Variants in FLNA observed in about 807,000 individuals in gnomAD.
The protein encoded by FLNA is filamin-A.
In FLNA, 7 loss-of-function variants were observed where a neutral mutation model predicts 157.6. That is an observed-to-expected ratio of 0.04 (90% CI 0.03 to 0.08). The LOEUF (loss-of-function observed/expected upper bound fraction) is 0.08, where lower values mean the gene tolerates loss of function less well. Ranked by LOEUF, FLNA falls within the 10% of genes least tolerant of loss-of-function variation. The probability of loss-of-function intolerance (pLI) is 1.00; values close to 1 mark genes in which losing one functional copy is unlikely to be tolerated. For synonymous variants in FLNA, 1,103 were observed against 1,060.8 expected (o/e 1.04, Z -0.77); for missense variants, 1,750 against 2,398.4 (o/e 0.73, Z 5.65).
chrX:154,363,692 G>A (rs1389432133), intron 15 of FLNA, among the ~76,000 whole-genome samples: 2 of 111,974 alleles, frequency 1.8e-5, no homozygotes, highest in African/African-American at 6.5e-5. Context: ...CAGCCTGGGC[G>A]ACAGTGTGAG....
rs1557176471 is a variant in FLNA at position 154,354,487 on chromosome X, C to T, written c.5314-4G>A. ...CCACCAGGGGCCTCTCCGGGGCCTG[C>T]AGTGGAGACACAGGGCATGGGTGAG... On this transcript the variant is annotated splice_region_variant and splice_polypyrimidine_tract_variant and intron_variant, in intron 32 of 47. Coordinates refer to ENST00000369850, the MANE Select transcript of FLNA (RefSeq NM_001110556.2). The T allele has an allele frequency of 3.3e-6, 4 of 1,204,971 alleles. No individual in the cohort carries two copies. The highest frequency in any genetic ancestry group is 4.5e-6 in the Non-Finnish European group (4 of 890,264).
At chrX:154,370,504 G>T (rs1039858259) in intron 2 of FLNA, among the ~76,000 whole-genome samples, 13 of 112,784 alleles carry the variant, frequency 1.2e-4, no homozygotes, top group Non-Finnish European at 1.9e-5. Flanking sequence ...TGGGGGGAGA[G>T]CCCGGGCCTC....
At chrX:154,353,888 C>A (rs782754030) in intron 35 of FLNA, 27 bp downstream of exon 35, 1 of 1,210,170 alleles carries the variant, frequency 8.3e-7, no homozygotes, top group East Asian at 3.0e-5. Context: ...GGGCACAGAG[C>A]AGGTCAAGAC....
rs781861063 is a variant in FLNA at position 154,366,208 on chromosome X, C to T, written c.1245G>A (p.Glu415=). The change falls in exon 9 of 48, where the codon GAG becomes GAA. Residue 415 remains glutamate, a synonymous_variant. Transcript: ENST00000369850. ...EIFTAGAGTG[E]VEVVIQDPMG... ...TGGGGTCCTGGATCACAACCTCGAC[C>T]TCGCCCGTGCCAGCTCCTGCCACGA... 1 of 1,210,983 alleles carries T rather than the reference C, an allele frequency of 8.3e-7. No homozygotes were observed. The highest frequency in any genetic ancestry group is 1.1e-6 in the Non-Finnish European group (1 of 895,496).
At chrX:154,366,702 G>A (rs1057371422) in intron 6 of FLNA, 30 bp downstream of exon 6, 24 of 1,196,214 alleles carry the variant, frequency 2.0e-5, no homozygotes, top group South Asian at 3.5e-5. Context: ...GGAGCGCTGC[G>A]GGGCCTCTGC....
Position 154,353,169 on chromosome X carries a change from G to A in FLNA, c.6058C>T (p.Leu2020=). ...TGGCCATTTTTCTTCACATGCACCA[G>A]GTGCTCCCCCGTCTCCTTGGGCACG... ...SFVPKETGEH[L]VHVKKNGQHV... is the part of the protein sequence containing the mutation. Residue 2020 remains leucine, a synonymous_variant, in exon 38 of 48, where the codon CTG becomes TTG. Transcript: ENST00000369850. The A allele has an allele frequency of 2.5e-6, 3 of 1,211,698 alleles. No individual in the cohort carries two copies. Among genetic ancestry groups the A allele is most frequent in the Non-Finnish European group, 3.3e-6 (3 of 895,528 alleles).
Position 154,361,375 on chromosome X carries a change from T to C in FLNA, c.3140A>G (p.Tyr1047Cys). The change falls in exon 21 of 48, where the codon TAT becomes TGT. Residue 1047 changes from tyrosine to cysteine, a missense_variant. By Grantham distance (194) the Tyr-to-Cys change is radical. Around this residue, in one of 5 missense-constraint regions of FLNA, gnomAD observed 648 missense variants for 805.8 expected, o/e 0.80. Transcript: ENST00000369850. ...EEGPYEVEVT[Y>C]DGVPVPGSPF... Reference sequence around the variant, plus strand: ...GCTGCCAGGCACGGGCACGCCGTCATAGGTCACCTCCACCTCATAGGGCCC... The same window carrying C: ...GCTGCCAGGCACGGGCACGCCGTCACAGGTCACCTCCACCTCATAGGGCCC... The C allele has an allele frequency of 1.7e-6, 2 of 1,210,211 alleles. No individual in the cohort carries two copies. The highest frequency in any genetic ancestry group is 2.2e-6 in the Non-Finnish European group (2 of 895,143).
At position 154,363,335 on chromosome X, in the gene FLNA, T is replaced by C. The variant is rs1238576883; in HGVS notation, c.2281-551A>G. 4.5e-5 allele frequency among the ~76,000 whole-genome samples: 5 copies of C among 110,098 alleles called. No individual in the cohort carries two copies. In the Admixed American group the frequency reaches 4.8e-4, roughly 11 times the overall value. On this transcript the variant is annotated intron_variant, in intron 15 of 47. Transcript: ENST00000369850. ...GGAGGCTGAGGCAGGAGAGAATTGCTTGAATCTGGCAGGCAGAGGTTGCAG... is the reference window on the plus strand; with the variant it reads ...GGAGGCTGAGGCAGGAGAGAATTGCCTGAATCTGGCAGGCAGAGGTTGCAG...
chrX:154,368,439 G>A (rs2067779806), intron 2 of FLNA, among the ~76,000 whole-genome samples: 1 of 112,489 alleles, frequency 8.9e-6, no homozygotes, highest in Admixed American at 9.3e-5. Context: ...GTCCACAGCT[G>A]CCAGAGCAGG....
intron 2 of FLNA, among the ~76,000 whole-genome samples, chrX:154,368,381 G>A (rs2067779270): frequency 8.9e-6 from 1 of 112,172 alleles, no homozygotes; most frequent in Non-Finnish European, 1.9e-5. Flanking sequence ...AAGGGCAGAG[G>A]GCAGACCCAG....
rs782292169 is a variant in FLNA at position 154,360,570 on chromosome X, C to T, written c.3225G>A (p.Pro1075=). The T allele has an allele frequency of 3.5e-5, 42 of 1,204,950 alleles. No homozygotes were observed. Among genetic ancestry groups the T allele is most frequent in the Non-Finnish European group, 4.4e-5 (39 of 894,253 alleles). ...AGCCCGCACTGCCTCCCTGCAGCCCCGGCCCAAACGCCTTCACCTGAGGGA... is the reference window on the plus strand; with the variant it reads ...AGCCCGCACTGCCTCCCTGCAGCCCTGGCCCAAACGCCTTCACCTGAGGGA... The part of the protein sequence containing the change: ...TKPSKVKAFG[P]GLQGGSAGSP... Residue 1075 remains proline (P), a synonymous_variant, in exon 22 of 48, where the codon CCG becomes CCA. Transcript: ENST00000369850.
intron 28 of FLNA, 81 bp downstream of exon 28, chrX:154,358,118 G>A (rs1296309367): frequency 9.4e-7 from 1 of 1,064,107 alleles, no homozygotes; most frequent in African/African-American, 1.8e-5. Context: ...GCTCCGCAGG[G>A]AGATCAGACA....
At chrX:154,355,165 A>C in intron 30 of FLNA, 93 bp from the exon 31 acceptor site, 27 of 979,716 alleles carry the variant, frequency 2.8e-5, no homozygotes, top group Non-Finnish European at 3.1e-5. Flanking sequence ...CAGGCCTCTC[A>C]TTGCCACCAC....
intron 43 of FLNA, chrX:154,351,289 C>T (rs1354926735): frequency 2.3e-6 from 1 of 441,658 alleles, no homozygotes; most frequent in Non-Finnish European, 3.9e-6. Flanking sequence ...ACCCTGTGGG[C>T]AGCACCCAGC....
In FLNA at chrX:154,359,687, C is replaced by G. The variant is rs371272370; in HGVS notation, c.3980-41G>C. 2.8e-5 allele frequency: 34 copies of G among 1,208,996 alleles called. No homozygotes were observed. In the African/African-American group the frequency reaches 5.4e-4, roughly 19 times the overall value. On this transcript the variant is annotated intron_variant, in intron 23 of 47. Coordinates refer to ENST00000369850, the MANE Select transcript of FLNA (RefSeq NM_001110556.2). ...CCAGGTCAGGAGGAGCCCGGGCCAC[C>G]CCACCCACCCCGTCTGCCAGCCTGT...
chrX:154,352,194 T>C lies in FLNA; in HGVS notation c.6756A>G (p.Glu2252=). The change falls in exon 41 of 48, where the codon GAA becomes GAG. Residue 2252 remains glutamate (E), a synonymous_variant. Transcript: ENST00000369850. The part of the protein sequence containing the change: ...RAGGPGLERA[E]AGVPAEFSIW... ...GAGCAGGCCTACCTGGCACTCCAGC[T>C]TCAGCTCTCTCCAGGCCAGGGCCCC... 1.7e-6 allele frequency: 2 copies of C among 1,210,581 alleles called. No homozygotes were observed. Among genetic ancestry groups the C allele is most frequent in the African/African-American group, 3.5e-5 (2 of 57,929 alleles).
Position 154,359,296 on chromosome X carries a change from T to A in FLNA, c.4253A>T (p.Glu1418Val). ...GSCSVEYIPY[E>V]AGTYSLNVTY... Reference sequence around the variant, plus strand: ...GACGTTGAGGCTGTAGGTGCCAGCCTCATAAGGGATGTACTCGACCGAGCA... The same window carrying A: ...GACGTTGAGGCTGTAGGTGCCAGCCACATAAGGGATGTACTCGACCGAGCA... Residue 1418 changes from glutamate to valine, a missense_variant, in exon 25 of 48, where the codon GAG becomes GTG. By Grantham distance (121) the Glu-to-Val change is moderately radical. Around this residue, in one of 5 missense-constraint regions of FLNA, gnomAD observed 970 missense variants for 1,302.6 expected, o/e 0.74. Coordinates refer to ENST00000369850, the MANE Select transcript of FLNA (RefSeq NM_001110556.2). The A allele has an allele frequency of 8.3e-7, 1 of 1,211,193 alleles. No individual in the cohort carries two copies. Among genetic ancestry groups the A allele is most frequent in the Non-Finnish European group, 1.1e-6 (1 of 895,490 alleles).
At chrX:154,362,606 A>T in intron 16 of FLNA, 28 bp from the exon 17 acceptor site, 1 of 1,210,709 alleles carries the variant, frequency 8.3e-7, no homozygotes, top group Non-Finnish European at 1.1e-6. Context: ...GCGGAGGCTG[A>T]GACCTCGCAG....
chrX:154,372,594 G>C (rs782588221), intron 1 of FLNA, among the ~76,000 whole-genome samples: 1 of 110,805 alleles, frequency 9.0e-6, no homozygotes, highest in African/African-American at 3.3e-5. Context: ...CTGGGACCAG[G>C]GGACGGCTGG....
Sources: gnomAD v4.1 joint callset for allele counts (sites outside exome capture counted in the v4.1 genomes callset) on GRCh38, gnomAD v4.1.1 for gene constraint, gnomAD v4.1.1 regional missense constraint, MANE v1.5 for transcripts, NCBI Gene and HGNC (gene_info 2026-07-23, HGNC 2026-07-21) for gene names.